The following CCSER1 variants were observed in gnomAD, a reference collection of about 807,000 sequenced individuals.
CCSER1 encodes serine-rich coiled-coil domain-containing protein 1.
Under a neutral mutation model 82.0 loss-of-function variants are expected in CCSER1, and 41 were observed. The ratio of observed to expected loss-of-function variants is 0.50; its 90% CI spans 0.39 to 0.65. The LOEUF (loss-of-function observed/expected upper bound fraction) is 0.65, where lower values mean the gene tolerates loss of function less well. Ranked by LOEUF, CCSER1 falls within the 30% of genes least tolerant of loss-of-function variation. The pLI is 0.00. For missense variants in CCSER1, 1,119 were observed against 1,064.2 expected (o/e 1.05, Z -0.72); for synonymous variants, 414 against 383.9 (o/e 1.08, Z -0.92).
intron 10 of CCSER1, among the ~76,000 whole-genome samples, chr4:91,562,771 A>T (rs1296150564): frequency 6.6e-6 from 1 of 151,632 alleles, no homozygotes; most frequent in East Asian, 1.9e-4. Flanking sequence ...TCTCATTCAA[A>T]ATGATATTGT....
At chr4:90,522,877 A>G (rs1037311930) in intron 5 of CCSER1, among the ~76,000 whole-genome samples, 2 of 152,172 alleles carry the variant, frequency 1.3e-5, no homozygotes, top group African/African-American at 4.8e-5. Flanking sequence ...TTAAATATGA[A>G]TTGAATGATT....
At chr4:90,401,660 A>C (rs1752893278) in intron 4 of CCSER1, among the ~76,000 whole-genome samples, 1 of 152,064 alleles carries the variant, frequency 6.6e-6, no homozygotes, top group South Asian at 2.1e-4. Context: ...CAGCCTCCCA[A>C]GTAGCTGGGA....
In CCSER1 at chr4:91,357,027, G is replaced by A. The variant is rs867835314; in HGVS notation, c.2218-241545G>A. On this transcript the variant is annotated intron_variant, in intron 10 of 10. Transcript: ENST00000509176. Reference sequence around the variant, plus strand: ...ATAACAGTTGCTTTGTTTAACGTGCGGATGGAATATTTGATCCATTTCATC... The same window carrying A: ...ATAACAGTTGCTTTGTTTAACGTGCAGATGGAATATTTGATCCATTTCATC... 3.7e-4 allele frequency among the ~76,000 whole-genome samples: 56 copies of A among 152,206 alleles called. No homozygotes were observed. In the Middle Eastern group the frequency reaches 0.01, roughly 28 times the overall value.
In CCSER1 at chr4:91,251,441, G is replaced by A. The variant is rs1243588564; in HGVS notation, c.2217+165447G>A. Among the ~76,000 whole-genome samples, 8 of 152,136 alleles carry A rather than the reference G, an allele frequency of 5.3e-5. No homozygotes were observed. The East Asian group carries it at 1.2e-3, about 22-fold the overall frequency. On this transcript the variant is annotated intron_variant, in intron 10 of 10. Coordinates refer to ENST00000509176, the MANE Select transcript of CCSER1 (RefSeq NM_001145065.2). ...CTTAATATTTAAATTTGTGGGGAGG[G>A]GACACAAGTATTCAGTCTATAGTAG...
chr4:91,311,428 T>C (rs1316147340), intron 10 of CCSER1, among the ~76,000 whole-genome samples: 2 of 151,894 alleles, frequency 1.3e-5, no homozygotes, highest in African/African-American at 2.4e-5. Context: ...CACTTTGACA[T>C]AGATTTTTTT....
At chr4:91,344,813 T>C (rs1391382317) in intron 10 of CCSER1, among the ~76,000 whole-genome samples, 1 of 152,128 alleles carries the variant, frequency 6.6e-6, no homozygotes, top group Non-Finnish European at 1.5e-5. Context: ...CTACATGAAA[T>C]TCATACTGGG....
chr4:90,296,795 A>G (rs927886234), intron 1 of CCSER1, among the ~76,000 whole-genome samples: 2 of 152,160 alleles, frequency 1.3e-5, no homozygotes, highest in African/African-American at 4.8e-5. Flanking sequence ...CAAAGATCAG[A>G]TAGTTGTAGA....
chr4:90,647,887 G>C (rs1281278938), intron 6 of CCSER1, among the ~76,000 whole-genome samples: 1 of 152,002 alleles, frequency 6.6e-6, no homozygotes, highest in Non-Finnish European at 1.5e-5. Context: ...TTGGTATTTG[G>C]CTTATACGTT....
intron 5 of CCSER1, among the ~76,000 whole-genome samples, chr4:90,553,702 TCTTTA>T (rs1227615399): frequency 6.6e-6 from 1 of 152,344 alleles, no homozygotes; most frequent in African/African-American, 2.4e-5. Context: ...TATCTCAATA[TCTTTA>T]CTTGACGCTT....
intron 10 of CCSER1, among the ~76,000 whole-genome samples, chr4:91,135,560 A>G (rs1032947812): frequency 6.6e-6 from 1 of 152,184 alleles, no homozygotes; most frequent in African/African-American, 2.4e-5. Context: ...TTAACTTAGG[A>G]AATTCACACA....
chr4:90,691,592 A>G (rs1358337332), intron 6 of CCSER1, among the ~76,000 whole-genome samples: 5 of 108,606 alleles, frequency 4.6e-5, no homozygotes, highest in Admixed American at 2.9e-4. Flanking sequence ...ATGTGAATAT[A>G]TCACATGTGT....
chr4:90,774,863 G>C (rs948464439), intron 7 of CCSER1, among the ~76,000 whole-genome samples: 3 of 152,064 alleles, frequency 2.0e-5, no homozygotes, highest in Middle Eastern at 3.2e-3. Context: ...AATCTCATCT[G>C]TTCTTATTCC....
intron 4 of CCSER1, among the ~76,000 whole-genome samples, chr4:90,411,432 C>A (rs181520793): frequency 0.01 from 1,541 of 152,284 alleles, 17 homozygotes; most frequent in South Asian, 0.03. Context: ...ACCACGATCA[C>A]ATGGGCTTCA....
At chr4:90,496,943 A>G (rs1470402204) in intron 5 of CCSER1, among the ~76,000 whole-genome samples, 1 of 141,628 alleles carries the variant, frequency 7.1e-6, no homozygotes, top group African/African-American at 2.7e-5. Flanking sequence ...GTGCCTCTGC[A>G]CTCCAGCCTG....
chr4:91,009,442 C>T (rs562658364), intron 9 of CCSER1, among the ~76,000 whole-genome samples: 10 of 152,120 alleles, frequency 6.6e-5, no homozygotes, highest in South Asian at 4.1e-4. Context: ...TTGCAAGCCC[C>T]GCGTTTAAAG....
chr4:91,097,899 G>T (rs1724664051), intron 10 of CCSER1, among the ~76,000 whole-genome samples: 1 of 152,120 alleles, frequency 6.6e-6, no homozygotes, highest in Non-Finnish European at 1.5e-5. Flanking sequence ...ATCTGTTTTA[G>T]AGTCCAGAAT....
intron 10 of CCSER1, among the ~76,000 whole-genome samples, chr4:91,408,901 G>A (rs1213633731): frequency 6.6e-6 from 1 of 152,146 alleles, no homozygotes; most frequent in Non-Finnish European, 1.5e-5. Context: ...GTGTACTCCT[G>A]TATTTTATCT....
chr4:91,316,249 A>T (rs749521298), intron 10 of CCSER1, among the ~76,000 whole-genome samples: 14 of 151,968 alleles, frequency 9.2e-5, no homozygotes, highest in Non-Finnish European at 1.5e-4. Flanking sequence ...ATAACACAGT[A>T]ATAGTTTTTA....
At chr4:91,464,551 A>G (rs1186803479) in intron 10 of CCSER1, among the ~76,000 whole-genome samples, 1 of 152,234 alleles carries the variant, frequency 6.6e-6, no homozygotes. Flanking sequence ...TAAAAGACAC[A>G]CACTGGCAAA....
Sources: allele counts gnomAD v4.1 joint callset (sites outside exome capture counted in the v4.1 genomes callset), GRCh38; gene constraint gnomAD v4.1.1; transcripts MANE v1.5; gene names NCBI Gene and HGNC (gene_info 2026-07-23, HGNC 2026-07-21).